The following SGCG variants were observed in gnomAD, a reference collection of about 807,000 sequenced individuals.
The protein encoded by SGCG is gamma-sarcoglycan.
Under a neutral mutation model 29.3 loss-of-function variants are expected in SGCG, and 26 were observed. The observed-to-expected ratio is 0.89, with a 90% CI of 0.65 to 1.23. The LOEUF is 1.23. Ranked by LOEUF, SGCG falls within the 50% of genes most tolerant of loss-of-function variation. SGCG has a pLI of 0.00. For synonymous variants in SGCG, 145 were observed against 129.7 expected (o/e 1.12, Z -0.80); for missense variants, 353 against 356.0 (o/e 0.99, Z 0.07).
At chr13:23,190,862 A>G (rs1417091824) in intron 1 of SGCG, among the ~76,000 whole-genome samples, 5 of 152,174 alleles carry the variant, frequency 3.3e-5, no homozygotes, top group Non-Finnish European at 7.4e-5. Context: ...GAAAATGCTA[A>G]TAAATGGCCC....
intron 3 of SGCG, among the ~76,000 whole-genome samples, chr13:23,241,597 G>A (rs1879518491): frequency 6.6e-6 from 1 of 152,082 alleles, no homozygotes; most frequent in African/African-American, 2.4e-5. Flanking sequence ...TGAAGCAGAG[G>A]AGATTCTTCC....
chr13:23,281,568 G>A (rs1021119024), intron 5 of SGCG, among the ~76,000 whole-genome samples: 2 of 152,234 alleles, frequency 1.3e-5, no homozygotes, highest in South Asian at 2.1e-4. Context: ...ACATGTTGAC[G>A]CTCTCTGTAG....
intron 1 of SGCG, among the ~76,000 whole-genome samples, chr13:23,186,089 C>T (rs1338187369): frequency 1.3e-5 from 2 of 152,086 alleles, no homozygotes; most frequent in Non-Finnish European, 2.9e-5. Flanking sequence ...CTTTTTCCCT[C>T]CCACCGCCTT....
chr13:23,285,850 T>C (rs571327953), intron 5 of SGCG, among the ~76,000 whole-genome samples: 1 of 152,290 alleles, frequency 6.6e-6, no homozygotes, highest in East Asian at 1.9e-4. Context: ...CGGCTTCCCT[T>C]GGCTAGGCGA....
chr13:23,179,072 C>T (rs1208866704), upstream of SGCG, among the ~76,000 whole-genome samples: 1 of 152,192 alleles, frequency 6.6e-6, no homozygotes, highest in Non-Finnish European at 1.5e-5. Flanking sequence ...TACCCATAGG[C>T]TTACTAGCTT....
the SGCG span, among the ~76,000 whole-genome samples, chr13:23,173,075 C>T: frequency 6.6e-6 from 1 of 152,146 alleles, no homozygotes; most frequent in African/African-American, 2.4e-5. Flanking sequence ...CAGTGAAGCT[C>T]TGTCAGTTAT....
chr13:23,320,614 T>C (rs1374210956), intron 6 of SGCG, 23 bp from the exon 7 acceptor site: 1 of 1,363,028 alleles, frequency 7.3e-7, no homozygotes. Context: ...TTTTTTTTTT[T>C]GTGCTTCTTT....
At chr13:23,293,684 T>G (rs1881800449) in intron 5 of SGCG, among the ~76,000 whole-genome samples, 2 of 152,026 alleles carry the variant, frequency 1.3e-5, no homozygotes, top group Admixed American at 1.3e-4. Flanking sequence ...TACAAAATAT[T>G]AGCCGGGTGT....
intron 4 of SGCG, among the ~76,000 whole-genome samples, chr13:23,258,950 A>T (rs904534592): frequency 6.6e-6 from 1 of 152,170 alleles, no homozygotes; most frequent in Non-Finnish European, 1.5e-5. Flanking sequence ...TTGGTTTGCC[A>T]GTATTTTATT....
intron 1 of SGCG, among the ~76,000 whole-genome samples, chr13:23,187,484 T>C (rs1230748921): frequency 6.6e-6 from 1 of 152,128 alleles, no homozygotes. Context: ...GCGAGGAGGT[T>C]TTCTCTCACC....
Position 23,320,639 on chromosome 13 carries a change from T to G in SGCG, c.581T>G (p.Leu194Ter), listed in dbSNP as rs547818652. 5 of 1,529,822 alleles carry G rather than the reference T, an allele frequency of 3.3e-6. No homozygotes were observed. The South Asian group carries it at 5.8e-5, about 18-fold the overall frequency. The allele number at this position is 1,529,822 out of a possible 1,614,324, so 94.8% of individuals were successfully genotyped here. A position where few individuals can be genotyped will look rare whatever the true frequency, so the allele number is the denominator to read the frequency against. The change falls in exon 7 of 8, where the codon TTA (leucine) becomes TGA (stop). Residue 194 changes from leucine (L) to a stop codon, truncating the protein, a stop_gained and splice_region_variant. Transcript: ENST00000218867. LOFTEE classifies it high-confidence loss of function. The stretch of plus-strand genomic sequence containing the variant: ...TGTGCTTCTTTTCCTCATCTCAGAT[T>G]AGAATCCCCCACTCGGAGTCTAAGC... ...VRADPFQDLR[L>*]ESPTRSLSMD...
chr13:23,181,693 G>A (rs1019378111), intron 1 of SGCG, among the ~76,000 whole-genome samples: 4 of 152,138 alleles, frequency 2.6e-5, no homozygotes, highest in African/African-American at 7.2e-5. Flanking sequence ...AACATAAGTG[G>A]GGTAAAAGTA....
At chr13:23,252,259 A>T (rs1879995499) in intron 4 of SGCG, among the ~76,000 whole-genome samples, 2 of 152,100 alleles carry the variant, frequency 1.3e-5, no homozygotes, top group Admixed American at 1.3e-4. Context: ...ATTTTTGCCC[A>T]TTTTTTCTCA....
intron 1 of SGCG, among the ~76,000 whole-genome samples, chr13:23,193,177 A>T (rs905494112): frequency 2.0e-5 from 3 of 152,136 alleles, no homozygotes; most frequent in African/African-American, 7.2e-5. Flanking sequence ...AGACTATAAG[A>T]TAGGAGAAAG....
At chr13:23,223,527 G>T (rs1351016936) in intron 2 of SGCG, among the ~76,000 whole-genome samples, 3 of 152,096 alleles carry the variant, frequency 2.0e-5, no homozygotes. Flanking sequence ...GTATATATTA[G>T]ATTCTATTAT....
At chr13:23,252,968 G>A (rs1419896753) in intron 4 of SGCG, among the ~76,000 whole-genome samples, 1 of 152,022 alleles carries the variant, frequency 6.6e-6, no homozygotes, top group Non-Finnish European at 1.5e-5. Context: ...TCTCTAATCA[G>A]ATTTCTTGAA....
At chr13:23,291,867 A>G (rs1387523648) in intron 5 of SGCG, among the ~76,000 whole-genome samples, 1 of 152,190 alleles carries the variant, frequency 6.6e-6, no homozygotes, top group African/African-American at 2.4e-5. Flanking sequence ...ACCCAAGTAA[A>G]TCGAGGGGCT....
intron 3 of SGCG, among the ~76,000 whole-genome samples, chr13:23,237,528 C>G (rs1720379358): frequency 6.6e-6 from 1 of 152,160 alleles, no homozygotes; most frequent in African/African-American, 2.4e-5. Flanking sequence ...AAAGTTGCTA[C>G]AACTATTTGA....
At chr13:23,185,195 T>G (rs9580558) in intron 1 of SGCG, among the ~76,000 whole-genome samples, 3,468 of 152,268 alleles carry the variant, frequency 0.023, 137 homozygotes, top group African/African-American at 0.079. Flanking sequence ...TAGATAAAGT[T>G]GAATGGTATT....
Sources: gnomAD v4.1 joint callset for allele counts (sites outside exome capture counted in the v4.1 genomes callset) on GRCh38, gnomAD v4.1.1 for gene constraint, MANE v1.5 for transcripts, NCBI Gene and HGNC (gene_info 2026-07-23, HGNC 2026-07-21) for gene names.